The following GNAL variants were observed in gnomAD, a reference collection of about 807,000 sequenced individuals.
The protein encoded by GNAL is guanine nucleotide-binding protein G(olf) subunit alpha.
Under a neutral mutation model 55.1 loss-of-function variants are expected in GNAL, and 18 were observed. That is an observed-to-expected ratio of 0.33 (90% CI 0.23 to 0.48). The LOEUF (loss-of-function observed/expected upper bound fraction) is 0.48. Ranked by LOEUF, GNAL falls within the 20% of genes least tolerant of loss-of-function variation. The pLI, the probability that GNAL is intolerant of heterozygous loss-of-function variation, is 0.99. For synonymous variants in GNAL, 253 were observed against 237.0 expected (o/e 1.07, Z -0.62); for missense variants, 412 against 614.1 (o/e 0.67, Z 3.48).
chr18:11,850,507 AT>A (rs2035833268), intron 5 of GNAL, among the ~76,000 whole-genome samples: 1 of 152,206 alleles, frequency 6.6e-6, no homozygotes, highest in Non-Finnish European at 1.5e-5. Context: ...GACAGCACAC[AT>A]TGCTGCCATT....
chr18:11,880,401 T>C (rs902222181), intron 11 of GNAL, among the ~76,000 whole-genome samples: 4 of 151,778 alleles, frequency 2.6e-5, no homozygotes, highest in South Asian at 2.1e-4. Context: ...ACACCCCGTC[T>C]CTACTAAAAA....
At position 11,707,730 on chromosome 18, in the gene GNAL, G is replaced by A. The variant is rs1339826681; in HGVS notation, c.376+17791G>A. Among the ~76,000 whole-genome samples, 7 of 152,328 alleles carry A rather than the reference G, an allele frequency of 4.6e-5. No homozygotes were observed. The East Asian group carries it at 1.3e-3, about 29-fold the overall frequency. On this transcript the variant is annotated intron_variant, in intron 1 of 11. Transcript: ENST00000334049. ...TAGGTGGCATTTTCTTCCCACAGAA[G>A]GCTGTTCCACCTCCATTGAAGGCTG...
intron 1 of GNAL, 144 bp downstream of exon 1, chr18:11,690,083 C>G: frequency 2.5e-6 from 1 of 402,552 alleles, no homozygotes; most frequent in Non-Finnish European, 4.1e-6. Context: ...CCCGGACGGG[C>G]GGCGGGCGCG....
intron 5 of GNAL, among the ~76,000 whole-genome samples, chr18:11,855,064 A>T (rs2035973494): frequency 6.6e-6 from 1 of 151,912 alleles, no homozygotes; most frequent in Non-Finnish European, 1.5e-5. Flanking sequence ...GGGACTACAG[A>T]TGCGCACCAA....
chr18:11,710,380 TA>T (rs1481018514), intron 1 of GNAL, among the ~76,000 whole-genome samples: 2 of 152,244 alleles, frequency 1.3e-5, no homozygotes, highest in African/African-American at 4.8e-5. Flanking sequence ...AACACATTTT[TA>T]TATAGTTAGT....
chr18:11,751,445 G>T lies in GNAL; in HGVS notation c.377-1408G>T, dbSNP rs2032823067. On this transcript the variant is annotated intron_variant, in intron 1 of 11. Coordinates refer to ENST00000334049, the MANE Select transcript of GNAL (RefSeq NM_182978.4). This position sits in a 1 kb window ranked among gnomAD's most constrained non-coding sequence, Gnocchi z 4.5. ...CTGGAGGTAAAGACAGGAGGCTCGG[G>T]AGGCGGCGACGTGGGCGAGCTGGAA... is the stretch of plus-strand genomic sequence containing the variant. 1.1e-6 allele frequency: 1 copy of T among 921,440 alleles called. No individual in the cohort carries two copies. The highest frequency in any genetic ancestry group is 1.3e-6 in the Non-Finnish European group (1 of 771,508). The allele number at this position is 921,440 out of a possible 1,614,324, so 57.1% of individuals were successfully genotyped here.
At chr18:11,740,734 G>T (rs183878906) in intron 1 of GNAL, among the ~76,000 whole-genome samples, 1 of 151,964 alleles carries the variant, frequency 6.6e-6, no homozygotes, top group Non-Finnish European at 1.5e-5. Context: ...AATTTGTTTC[G>T]GATTCGTGTG....
intron 9 of GNAL, among the ~76,000 whole-genome samples, chr18:11,871,859 T>C (rs1162715280): frequency 6.6e-6 from 1 of 152,234 alleles, no homozygotes; most frequent in African/African-American, 2.4e-5. Flanking sequence ...ACAGATTGAG[T>C]ATCCCTTATC....
intron 1 of GNAL, among the ~76,000 whole-genome samples, chr18:11,699,148 G>A (rs1276567658): frequency 6.6e-6 from 1 of 151,888 alleles, no homozygotes; most frequent in Non-Finnish European, 1.5e-5. Flanking sequence ...ACAGCACCCA[G>A]GATAATTTAC....
chr18:11,703,079 C>T (rs1404664885), intron 1 of GNAL, among the ~76,000 whole-genome samples: 1 of 152,162 alleles, frequency 6.6e-6, no homozygotes, highest in East Asian at 1.9e-4. Context: ...GATTGCGCCA[C>T]TGCACTCCAG....
chr18:11,695,924 A>ACG (rs1555640058), intron 1 of GNAL, among the ~76,000 whole-genome samples: 20,171 of 141,374 alleles, frequency 0.14, 1,480 homozygotes, highest in Middle Eastern at 0.18. Context: ...GCACGCATGC[A>ACG]CACACACACA....
intron 7 of GNAL, among the ~76,000 whole-genome samples, chr18:11,866,111 G>C (rs954888430): frequency 1.3e-5 from 2 of 150,134 alleles, no homozygotes; most frequent in African/African-American, 5.1e-5. Context: ...GCACAGTGCA[G>C]TATGGAGTTG....
intron 5 of GNAL, chr18:11,854,464 G>C (rs1026867696): frequency 2.4e-5 from 4 of 167,060 alleles, no homozygotes; most frequent in African/African-American, 4.8e-5. Flanking sequence ...ATGTGAGTGT[G>C]CATCCTGTTT....
At chr18:11,765,143 C>T (rs2033365012) in intron 4 of GNAL, among the ~76,000 whole-genome samples, 1 of 152,174 alleles carries the variant, frequency 6.6e-6, no homozygotes, top group Non-Finnish European at 1.5e-5. Flanking sequence ...GCCACAACAG[C>T]GACCTCTCAA....
intron 4 of GNAL, among the ~76,000 whole-genome samples, chr18:11,769,202 AATAT>A (rs1006324431): frequency 6.2e-4 from 89 of 142,838 alleles, no homozygotes; most frequent in Non-Finnish European, 1.1e-3. Context: ...AATTATATAT[AATAT>A]ATATAATGTG....
intron 1 of GNAL, among the ~76,000 whole-genome samples, chr18:11,697,469 T>G (rs1246616929): frequency 6.6e-6 from 1 of 150,982 alleles, no homozygotes; most frequent in African/African-American, 2.4e-5. Flanking sequence ...AAGGTGGGAG[T>G]ATCACTTGAA....
intron 4 of GNAL, among the ~76,000 whole-genome samples, chr18:11,775,242 T>C (rs951487468): frequency 1.7e-4 from 26 of 152,324 alleles, no homozygotes; most frequent in African/African-American, 6.3e-4. Context: ...CTGTGGACCC[T>C]TGCTTTGTTT....
At chr18:11,847,517 A>T (rs2143764822) in intron 5 of GNAL, among the ~76,000 whole-genome samples, 1 of 152,304 alleles carries the variant, frequency 6.6e-6, no homozygotes, top group African/African-American at 2.4e-5. Flanking sequence ...AAAGTAAGGA[A>T]AGAAATCAGC....
intron 11 of GNAL, among the ~76,000 whole-genome samples, chr18:11,879,200 C>T (rs1007058535): frequency 6.6e-6 from 1 of 151,354 alleles, no homozygotes; most frequent in Admixed American, 6.6e-5. Context: ...CTGACTATTG[C>T]TAAAATAGGT....
Sources: allele counts gnomAD v4.1 joint callset (sites outside exome capture counted in the v4.1 genomes callset), GRCh38; gene constraint gnomAD v4.1.1; non-coding constraint Gnocchi (gnomAD v3.1); transcripts MANE v1.5; gene names NCBI Gene and HGNC (gene_info 2026-07-23, HGNC 2026-07-21).